The following OTUD7A variants were observed in gnomAD, a reference collection of about 807,000 sequenced individuals.
OTUD7A encodes OTU domain-containing protein 7A.
OTUD7A carries 12 observed loss-of-function variants against 65.7 expected under a neutral mutation model. That is an observed-to-expected ratio of 0.18 (90% CI 0.12 to 0.30). The LOEUF (loss-of-function observed/expected upper bound fraction) is 0.30. Ranked by LOEUF, OTUD7A falls within the 10% of genes least tolerant of loss-of-function variation. The probability of loss-of-function intolerance (pLI) is 1.00; values close to 1 mark genes in which losing one functional copy is unlikely to be tolerated. For synonymous variants in OTUD7A, 641 were observed against 586.3 expected (o/e 1.09, Z -1.35); for missense variants, 1,148 against 1,304.8 (o/e 0.88, Z 1.85).
At chr15:31,745,706 A>G (rs1011124360) in intron 1 of OTUD7A, among the ~76,000 whole-genome samples, 2 of 152,190 alleles carry the variant, frequency 1.3e-5, no homozygotes, top group African/African-American at 2.4e-5. Context: ...CAAAACATAA[A>G]AACTTCAACT....
intron 3 of OTUD7A, among the ~76,000 whole-genome samples, chr15:31,643,854 C>T (rs1891587649): frequency 6.6e-6 from 1 of 152,136 alleles, no homozygotes; most frequent in Non-Finnish European, 1.5e-5. Context: ...GCAGAGAGTC[C>T]TTGGCAGAAC....
At chr15:31,756,631 CA>C (rs1894821448) in intron 1 of OTUD7A, among the ~76,000 whole-genome samples, 1 of 548 alleles carries the variant, frequency 1.8e-3, no homozygotes, top group African/African-American at 4.5e-3. Flanking sequence ...GTACCCAACA[CA>C]CACACACACA....
chr15:31,756,547 G>A (rs1260410907), intron 1 of OTUD7A, among the ~76,000 whole-genome samples: 1 of 151,900 alleles, frequency 6.6e-6, no homozygotes, highest in Non-Finnish European at 1.5e-5. Flanking sequence ...CATGGCCAGG[G>A]TGACAGAGAC....
chr15:31,592,907 ATATATATATATATAT>A (rs1889784684), intron 3 of OTUD7A, among the ~76,000 whole-genome samples: 1 of 48,942 alleles, frequency 2.0e-5, no homozygotes, highest in Non-Finnish European at 3.2e-5. Context: ...AAAAAAAAAT[ATATATATATATATAT>A]ATATATATAT....
intron 8 of OTUD7A, among the ~76,000 whole-genome samples, chr15:31,504,224 C>T (rs1237831977): frequency 6.6e-6 from 1 of 152,054 alleles, no homozygotes; most frequent in Non-Finnish European, 1.5e-5. Flanking sequence ...CTCTCAGGGA[C>T]CCAGGGGTTC....
intron 5 of OTUD7A, among the ~76,000 whole-genome samples, chr15:31,555,226 G>C (rs1302591951): frequency 6.6e-6 from 1 of 152,144 alleles, no homozygotes; most frequent in East Asian, 1.9e-4. Context: ...CTGGGTTCAT[G>C]TTCTGTCCAA....
At chr15:31,676,431 C>T (rs569965487) in intron 1 of OTUD7A, among the ~76,000 whole-genome samples, 1 of 152,174 alleles carries the variant, frequency 6.6e-6, no homozygotes, top group African/African-American at 2.4e-5. Flanking sequence ...TAAAAGTATC[C>T]ATGTGGCCAG....
chr15:31,537,703 A>C (rs769814932), intron 5 of OTUD7A, among the ~76,000 whole-genome samples: 2 of 152,236 alleles, frequency 1.3e-5, no homozygotes, highest in Non-Finnish European at 2.9e-5. Context: ...TTGCTTACAA[A>C]GGCATAAAAC....
At chr15:31,701,569 T>G (rs1485843493) in intron 1 of OTUD7A, among the ~76,000 whole-genome samples, 1 of 151,688 alleles carries the variant, frequency 6.6e-6, no homozygotes, top group African/African-American at 2.4e-5. Context: ...AATGGACCAA[T>G]TCCTTGAGAA....
In OTUD7A at chr15:31,484,699, G is replaced by T; in HGVS notation, c.1397C>A (p.Pro466His). The change falls in exon 13 of 13, where the codon CCC becomes CAC. Residue 466 changes from proline (P) to histidine (H), a missense_variant. Pro to His is a moderately conservative substitution (Grantham distance 77). This residue lies in a region of OTUD7A where 842 missense variants were observed against 769.5 expected (regional missense o/e 1.09). Coordinates refer to ENST00000307050, the MANE Select transcript of OTUD7A (RefSeq NM_001382637.1). The surrounding 1 kb of genome is among the most constrained non-coding windows in gnomAD (Gnocchi z 4.5). ...TRAPLAQPES[P>H]TASAGEDVQS... ...CACGTCCTCCCCTGCCGAGGCCGTG[G>T]GAGACTCCGGCTGTGCCAGGGGCGC... The T allele has an allele frequency of 6.3e-7, 1 of 1,586,744 alleles. No individual in the cohort carries two copies. The highest frequency in any genetic ancestry group is 2.3e-5 in the East Asian group (1 of 44,308).
intron 1 of OTUD7A, among the ~76,000 whole-genome samples, chr15:31,761,143 A>G (rs1027821379): frequency 6.6e-6 from 1 of 152,176 alleles, no homozygotes; most frequent in South Asian, 2.1e-4. Context: ...TGTAGGTACA[A>G]TAACAAAAGT....
At chr15:31,546,975 T>C (rs1888151198) in intron 5 of OTUD7A, among the ~76,000 whole-genome samples, 1 of 140,596 alleles carries the variant, frequency 7.1e-6, no homozygotes, top group South Asian at 2.3e-4. Flanking sequence ...GAGTCCTTGT[T>C]ATAGGATGTG....
At chr15:31,601,879 A>C (rs1481832267) in intron 3 of OTUD7A, among the ~76,000 whole-genome samples, 2 of 152,208 alleles carry the variant, frequency 1.3e-5, no homozygotes, top group African/African-American at 4.8e-5. Flanking sequence ...TCCTGGACAT[A>C]TACACCCTCC....
chr15:31,741,298 A>C (rs1894336222), intron 1 of OTUD7A, among the ~76,000 whole-genome samples: 1 of 152,178 alleles, frequency 6.6e-6, no homozygotes, highest in Non-Finnish European at 1.5e-5. Context: ...GATATAGAAA[A>C]AGTAAGATTG....
chr15:31,538,015 G>T lies in OTUD7A; in HGVS notation c.551-7207C>A, dbSNP rs189226614. Among the ~76,000 whole-genome samples the T allele has an allele frequency of 3.0e-4, 45 of 152,302 alleles. No individual in the cohort carries two copies. In the East Asian group the frequency reaches 7.3e-3, roughly 25 times the overall value. ...AGGCAAGCCTCCTTGCCTGCCCCAT[G>T]GGGCAACGTGCAAATGTTCATACGT... On this transcript the variant is annotated intron_variant, in intron 5 of 12. Transcript: ENST00000307050.
At chr15:31,781,424 G>C (rs1042033559) in intron 1 of OTUD7A, among the ~76,000 whole-genome samples, 6 of 152,080 alleles carry the variant, frequency 3.9e-5, no homozygotes, top group Admixed American at 3.9e-4. Flanking sequence ...TTCTCAGCTG[G>C]GGTCCCAGAC....
intron 3 of OTUD7A, among the ~76,000 whole-genome samples, chr15:31,635,939 G>A (rs1216638933): frequency 2.6e-5 from 4 of 152,246 alleles, no homozygotes; most frequent in Non-Finnish European, 5.9e-5. Context: ...AACAGGGGGC[G>A]TGGCAGTTCC....
intron 3 of OTUD7A, among the ~76,000 whole-genome samples, chr15:31,633,107 G>T (rs371183363): frequency 6.6e-6 from 1 of 152,148 alleles, no homozygotes; most frequent in African/African-American, 2.4e-5. Flanking sequence ...TTCGGCCCAC[G>T]CACAGTGCGC....
At chr15:31,489,148 C>T (rs1187305417) in intron 10 of OTUD7A, among the ~76,000 whole-genome samples, 2 of 152,156 alleles carry the variant, frequency 1.3e-5, no homozygotes, top group African/African-American at 2.4e-5. Context: ...AGGGGTTAGC[C>T]TCGCTTCTTA....
Sources: gnomAD v4.1 joint callset for allele counts (sites outside exome capture counted in the v4.1 genomes callset) on GRCh38, gnomAD v4.1.1 for gene constraint, gnomAD v4.1.1 regional missense constraint, Gnocchi (gnomAD v3.1) non-coding constraint, MANE v1.5 for transcripts, NCBI Gene and HGNC (gene_info 2026-07-23, HGNC 2026-07-21) for gene names.